POLR1B: variants seen among roughly 807,000 people sequenced by gnomAD.
POLR1B encodes the protein RNA polymerase I subunit B.
POLR1B carries 30 observed loss-of-function variants against 105.8 expected under a neutral mutation model. That is an observed-to-expected ratio of 0.28 (90% CI 0.21 to 0.38). The LOEUF is 0.38. Ranked by LOEUF, POLR1B falls within the 10% of genes least tolerant of loss-of-function variation. The probability of loss-of-function intolerance (pLI) is 1.00; values close to 1 mark genes in which losing one functional copy is unlikely to be tolerated. For missense variants in POLR1B, 976 were observed against 1,435.8 expected (o/e 0.68, Z 5.17); for synonymous variants, 485 against 505.1 (o/e 0.96, Z 0.53).
intron 7 of POLR1B, 26 bp from the exon 8 acceptor site, chr2:112,557,884 A>ATATTAATT: frequency 1.7e-6 from 2 of 1,189,626 alleles, no homozygotes; most frequent in Non-Finnish European, 2.2e-6. Flanking sequence ...ATACTATTTT[A>ATATTAATT]TATTAATTTT....
intron 2 of POLR1B, 46 bp from the exon 3 acceptor site, chr2:112,547,375 A>T: frequency 1.3e-6 from 2 of 1,583,094 alleles, no homozygotes; most frequent in Non-Finnish European, 8.6e-7. Context: ...GTTCTCGTAA[A>T]TGCAGATATT....
intron 3 of POLR1B, among the ~76,000 whole-genome samples, chr2:112,548,846 T>C (rs1372682772): frequency 6.6e-6 from 1 of 152,220 alleles, no homozygotes; most frequent in Non-Finnish European, 1.5e-5. Flanking sequence ...TCTCCTGACC[T>C]TGTGATGCTC....
chr2:112,572,803 A>C (rs371424596), intron 13 of POLR1B, 45 bp downstream of exon 13: 1 of 1,469,978 alleles, frequency 6.8e-7, no homozygotes, highest in African/African-American at 1.4e-5. Context: ...TTATTTTTTA[A>C]CTTGTTTGTT....
At chr2:112,569,292 A>G (rs537788744) in intron 12 of POLR1B, among the ~76,000 whole-genome samples, 20 of 152,182 alleles carry the variant, frequency 1.3e-4, no homozygotes, top group Non-Finnish European at 2.2e-4. Flanking sequence ...GCAAGATTCA[A>G]GTTTTCATTG....
At chr2:112,558,388 C>T (rs1354317082) in intron 8 of POLR1B, among the ~76,000 whole-genome samples, 1 of 152,016 alleles carries the variant, frequency 6.6e-6, no homozygotes, top group East Asian at 1.9e-4. Context: ...ATCTCTAAAC[C>T]ATTTGCCTTG....
chr2:112,573,576 C>T lies in POLR1B; in HGVS notation c.2286C>T (p.Ala762=). The part of the protein sequence containing the change: ...DMEDAMIVNK[A]SWERGFAHGS... ...TTACTTCACAGATTGTGAATAAGGC[C>T]TCTTGGGAACGAGGCTTTGCCCATG... is the stretch of plus-strand genomic sequence containing the variant. Residue 762 remains alanine (A), a synonymous_variant, in exon 14 of 15, where the codon GCC becomes GCT. Transcript: ENST00000263331. 6.2e-7 allele frequency: 1 copy of T among 1,613,612 alleles called. No homozygotes were observed. The highest frequency in any genetic ancestry group is 8.5e-7 in the Non-Finnish European group (1 of 1,179,820).
chr2:112,549,571 A>G (rs1314521814), intron 4 of POLR1B, among the ~76,000 whole-genome samples, 172 bp downstream of exon 4: 1 of 148,826 alleles, frequency 6.7e-6, no homozygotes, highest in Non-Finnish European at 1.5e-5. Flanking sequence ...TCTTGGGCTC[A>G]AGCAGTCCTT....
chr2:112,552,592 G>C, intron 6 of POLR1B, 53 bp from the exon 7 acceptor site: 1 of 1,442,190 alleles, frequency 6.9e-7, no homozygotes, highest in Non-Finnish European at 9.3e-7. Context: ...AGAATATTAA[G>C]TAGTATTACC....
At chr2:112,549,189 T>G in intron 3 of POLR1B, 78 bp from the exon 4 acceptor site, 1 of 1,507,484 alleles carries the variant, frequency 6.6e-7, no homozygotes, top group Non-Finnish European at 9.2e-7. Context: ...TTGTACTACC[T>G]TTGGCTAGGA....
At chr2:112,543,823 A>C (rs1574084891) in intron 1 of POLR1B, among the ~76,000 whole-genome samples, 1 of 152,056 alleles carries the variant, frequency 6.6e-6, no homozygotes. Flanking sequence ...AGTGGCTCAC[A>C]CCTGTAATCC....
chr2:112,564,116 A>T (rs1348724917), intron 9 of POLR1B, among the ~76,000 whole-genome samples: 1 of 152,228 alleles, frequency 6.6e-6, no homozygotes, highest in Non-Finnish European at 1.5e-5. Flanking sequence ...AATATTTGAA[A>T]TATTGCAAGA....
chr2:112,547,596 G>A (rs1683124127), intron 3 of POLR1B, 29 bp downstream of exon 3: 2 of 1,604,232 alleles, frequency 1.2e-6, no homozygotes, highest in Non-Finnish European at 8.5e-7. Context: ...GCATGAGACA[G>A]TAGAGAAGGC....
intron 1 of POLR1B, 143 bp downstream of exon 1, chr2:112,542,814 A>C (rs1482835255): frequency 1.9e-6 from 2 of 1,077,306 alleles, no homozygotes; most frequent in Non-Finnish European, 2.6e-6. Flanking sequence ...CAACATGTTA[A>C]ACAGGACGCG....
chr2:112,570,795 T>C (rs76571435), intron 12 of POLR1B, among the ~76,000 whole-genome samples: 3 of 109,734 alleles, frequency 2.7e-5, no homozygotes, highest in Admixed American at 2.7e-4. Flanking sequence ...TTTTTTTTTT[T>C]TGAGACAGGG....
intron 9 of POLR1B, 42 bp from the exon 10 acceptor site, chr2:112,564,324 G>T: frequency 6.2e-7 from 1 of 1,602,148 alleles, no homozygotes; most frequent in Non-Finnish European, 8.5e-7. Context: ...AATGTTGGAT[G>T]AAGCATTCTG....
intron 7 of POLR1B, among the ~76,000 whole-genome samples, chr2:112,556,883 A>G (rs1035081961): frequency 6.6e-6 from 1 of 152,250 alleles, no homozygotes; most frequent in Non-Finnish European, 1.5e-5. Context: ...ATATATGTCA[A>G]TAATGTATAA....
intron 12 of POLR1B, 101 bp from the exon 13 acceptor site, chr2:112,572,460 AT>A: frequency 1.2e-6 from 1 of 838,328 alleles, no homozygotes. Context: ...TTATTTGTTC[AT>A]TTTCCTCTGA....
intron 13 of POLR1B, among the ~76,000 whole-genome samples, 171 bp from the exon 14 acceptor site, chr2:112,573,391 C>T (rs187881474): frequency 6.6e-6 from 1 of 152,356 alleles, no homozygotes; most frequent in African/African-American, 2.4e-5. Context: ...GCGTGAGCCA[C>T]CGTGCCCAGC....
rs3980076 is a variant in POLR1B, at chr2:112,577,831, C to CAAA, written c.*2121_*2123dup. 6.0e-5 allele frequency among the ~76,000 whole-genome samples: 6 copies of CAAA among 100,302 alleles called. No homozygotes were observed. Among genetic ancestry groups the CAAA allele is most frequent in the Admixed American group, 1.1e-4 (1 of 9,272 alleles). The allele number at this position is 100,302 out of a possible 152,430, so 65.8% of individuals were successfully genotyped here. A position where few individuals can be genotyped will look rare whatever the true frequency, so the allele number is the denominator to read the frequency against. ...TGGGCGACAGAATGAGACCCTGTCT[C>CAAA]AAAAAAAAAAAAAAAAAAAAAGCGG... is the stretch of plus-strand genomic sequence containing the variant. On this transcript the variant is annotated 3_prime_UTR_variant, in exon 15 of 15. Coordinates refer to ENST00000263331, the MANE Select transcript of POLR1B (RefSeq NM_019014.6).
Sources: allele counts gnomAD v4.1 joint callset (sites outside exome capture counted in the v4.1 genomes callset), GRCh38; gene constraint gnomAD v4.1.1; transcripts MANE v1.5; gene names NCBI Gene and HGNC (gene_info 2026-07-23, HGNC 2026-07-21).